Variants in TRAPPC9 observed in about 807,000 individuals in gnomAD.
The protein encoded by TRAPPC9 is trafficking protein particle complex subunit 9.
In TRAPPC9, 83 loss-of-function variants were observed where a neutral mutation model predicts 124.0. The observed-to-expected ratio is 0.67, with a 90% confidence interval of 0.56 to 0.80. The LOEUF (loss-of-function observed/expected upper bound fraction) is 0.80. TRAPPC9 is among the 30% of genes least tolerant of loss of function. The pLI, the probability that TRAPPC9 is intolerant of heterozygous loss-of-function variation, is 0.00. For missense variants in TRAPPC9, 1,302 were observed against 1,508.3 expected, an observed-to-expected ratio of 0.86 and a Z score of 2.27; for synonymous variants, 638 against 617.5, an observed-to-expected ratio of 1.03 and a Z score of -0.49.
At chr8:139,821,877 C>A (rs534472760) in intron 21 of TRAPPC9, among the ~76,000 whole-genome samples, 1 of 152,274 alleles carries the variant, frequency 6.6e-6, no homozygotes, top group East Asian at 1.9e-4. Context: ...TGGAGTTCTC[C>A]CCATGGAGCT....
chr8:139,797,405 AC>A (rs1823178247), intron 21 of TRAPPC9, among the ~76,000 whole-genome samples: 1 of 151,890 alleles, frequency 6.6e-6, no homozygotes, highest in South Asian at 2.1e-4. Flanking sequence ...GATTACAGGC[AC>A]CCGCCATCAT....
chr8:140,449,856 G>A (rs760742370), intron 2 of TRAPPC9, among the ~76,000 whole-genome samples: 3 of 152,304 alleles, frequency 2.0e-5, no homozygotes, highest in East Asian at 3.9e-4. Context: ...CCAAAGGGAC[G>A]AGACTGAATA....
intron 18 of TRAPPC9, among the ~76,000 whole-genome samples, chr8:140,002,004 T>C (rs1271755960): frequency 6.6e-6 from 1 of 152,218 alleles, no homozygotes; most frequent in Non-Finnish European, 1.5e-5. Flanking sequence ...CCAGATGGTT[T>C]GCTTATGCAT....
intron 5 of TRAPPC9, among the ~76,000 whole-genome samples, chr8:140,425,966 C>A (rs1176982963): frequency 1.3e-5 from 2 of 152,174 alleles, no homozygotes; most frequent in East Asian, 1.9e-4. Flanking sequence ...CCAAGATGCA[C>A]GAGGCGATGA....
At chr8:139,969,473 T>G (rs1835921768) in intron 19 of TRAPPC9, among the ~76,000 whole-genome samples, 1 of 152,222 alleles carries the variant, frequency 6.6e-6, no homozygotes, top group South Asian at 2.1e-4. Flanking sequence ...TCTCATGGCC[T>G]AGGTTCGGAT....
At chr8:140,137,078 C>T (rs1368050540) in intron 17 of TRAPPC9, among the ~76,000 whole-genome samples, 1 of 152,086 alleles carries the variant, frequency 6.6e-6, no homozygotes, top group African/African-American at 2.4e-5. Context: ...AAAAGCCTCT[C>T]AGGAAAAAGC....
chr8:139,743,746 G>A (rs1232801063), intron 21 of TRAPPC9, among the ~76,000 whole-genome samples: 2 of 152,220 alleles, frequency 1.3e-5, no homozygotes, highest in Non-Finnish European at 2.9e-5. Context: ...GTCCTGTGGG[G>A]TGGGGGGCAG....
chr8:140,103,010 G>A (rs1280421526), intron 17 of TRAPPC9, among the ~76,000 whole-genome samples: 1 of 152,164 alleles, frequency 6.6e-6, no homozygotes, highest in Non-Finnish European at 1.5e-5. Flanking sequence ...CAAGCACCCA[G>A]TGATGAAATG....
intron 7 of TRAPPC9, among the ~76,000 whole-genome samples, chr8:140,378,085 C>G (rs902435777): frequency 2.6e-5 from 4 of 152,186 alleles, no homozygotes; most frequent in African/African-American, 7.2e-5. Context: ...TTCACTGATT[C>G]ATTCAGAACG....
intron 2 of TRAPPC9, among the ~76,000 whole-genome samples, chr8:140,439,862 T>C (rs1363614511): frequency 8.8e-5 from 4 of 45,640 alleles, no homozygotes; most frequent in Admixed American, 6.2e-4. Flanking sequence ...AGATAGATGA[T>C]TTTTTTTTTA....
intron 5 of TRAPPC9, among the ~76,000 whole-genome samples, chr8:140,421,953 A>C (rs949704176): frequency 4.2e-5 from 6 of 141,592 alleles, no homozygotes; most frequent in African/African-American, 1.5e-4. Context: ...CGAACTCTGC[A>C]AGGTGAATGA....
At chr8:140,261,582 G>A (rs904175809) in intron 15 of TRAPPC9, among the ~76,000 whole-genome samples, 6 of 152,178 alleles carry the variant, frequency 3.9e-5, no homozygotes, top group Non-Finnish European at 8.8e-5. Flanking sequence ...GGAAGTAAAA[G>A]GTGAACCTGC....
rs550745045 is a variant in TRAPPC9 at position 139,793,709 on chromosome 8, A to G, written c.3056-61507T>C. Among the ~76,000 whole-genome samples, 288 of 152,340 alleles carry G rather than the reference A, an allele frequency of 1.9e-3. 1 individual carries two copies. The highest frequency in any genetic ancestry group is 6.7e-3 in the African/African-American group (277 of 41,572). On this transcript the variant is annotated intron_variant, in intron 21 of 22. Coordinates refer to ENST00000438773, the MANE Select transcript of TRAPPC9 (RefSeq NM_001160372.4). ...CTGGGTTCAGAGGCTGTGGCTGTTTAGAGAGGTGGTACGGTACACCGTGGG... is the reference window on the plus strand; with the variant it reads ...CTGGGTTCAGAGGCTGTGGCTGTTTGGAGAGGTGGTACGGTACACCGTGGG...
At chr8:140,429,085 TG>T (rs1368456144) in intron 4 of TRAPPC9, among the ~76,000 whole-genome samples, 169 of 114,796 alleles carry the variant, frequency 1.5e-3, no homozygotes, top group African/African-American at 3.4e-3. Context: ...TTTCTGTTTT[TG>T]TTTTTTTTTT....
At chr8:139,765,863 A>G (rs1401727311) in intron 21 of TRAPPC9, among the ~76,000 whole-genome samples, 1 of 152,172 alleles carries the variant, frequency 6.6e-6, no homozygotes, top group Admixed American at 6.5e-5. Context: ...CACAGGGCAC[A>G]CTTCATCCCC....
chr8:139,958,654 G>C (rs2131547809), intron 19 of TRAPPC9, among the ~76,000 whole-genome samples: 1 of 152,328 alleles, frequency 6.6e-6, no homozygotes, highest in East Asian at 1.9e-4. Context: ...GGTTCCTGAA[G>C]GGAGGCCGAC....
intron 21 of TRAPPC9, among the ~76,000 whole-genome samples, chr8:139,737,416 C>T (rs1293838834): frequency 6.6e-6 from 1 of 151,952 alleles, no homozygotes; most frequent in Non-Finnish European, 1.5e-5. Flanking sequence ...CCGCTCCTCA[C>T]CACCCCGCAG....
intron 15 of TRAPPC9, among the ~76,000 whole-genome samples, chr8:140,266,411 C>T (rs1023249989): frequency 6.7e-6 from 1 of 150,136 alleles, no homozygotes; most frequent in African/African-American, 2.5e-5. Context: ...TGCAGTGAGC[C>T]GAGGTTGTAC....
chr8:140,085,891 A>G (rs1235450888), intron 17 of TRAPPC9, among the ~76,000 whole-genome samples: 5 of 152,234 alleles, frequency 3.3e-5, no homozygotes, highest in African/African-American at 1.2e-4. Context: ...AAGTGCTGGC[A>G]GAACTCTCCC....
Sources: gnomAD v4.1 joint callset for allele counts (sites outside exome capture counted in the v4.1 genomes callset) on GRCh38, gnomAD v4.1.1 for gene constraint, MANE v1.5 for transcripts, NCBI Gene and HGNC (gene_info 2026-07-23, HGNC 2026-07-21) for gene names.